The following RARB variants were observed in gnomAD, a reference collection of about 807,000 sequenced individuals.
RARB encodes the protein retinoic acid receptor beta, also known as HBV-activated protein.
RARB carries 17 observed loss-of-function variants against 51.9 expected under a neutral mutation model. The observed-to-expected ratio is 0.33, with a 90% CI of 0.22 to 0.49. The LOEUF is 0.49. Among genes scored for constraint, RARB ranks in the 20% least tolerant of loss-of-function variants. The probability of loss-of-function intolerance (pLI) is 0.99; values close to 1 mark genes in which losing one functional copy is unlikely to be tolerated. For synonymous variants in RARB, 215 were observed against 195.4 expected (o/e 1.10, Z -0.84); for missense variants, 369 against 550.8 (o/e 0.67, Z 3.30).
chr3:25,252,361 A>C (rs1369384163), intron 5 of RARB, among the ~76,000 whole-genome samples: 1 of 152,138 alleles, frequency 6.6e-6, no homozygotes, highest in Non-Finnish European at 1.5e-5. Context: ...AAATTTTAGG[A>C]TCAGCTTGTC....
At chr3:25,289,802 A>T (rs1703743539) in intron 5 of RARB, among the ~76,000 whole-genome samples, 1 of 152,234 alleles carries the variant, frequency 6.6e-6, no homozygotes. Flanking sequence ...CAATGGAATA[A>T]GTCATAGATA....
At chr3:25,111,583 G>GTTTTTTTTTT (rs370598264) in intron 3 of RARB, among the ~76,000 whole-genome samples, 1 of 120,866 alleles carries the variant, frequency 8.3e-6, no homozygotes, top group African/African-American at 3.1e-5. Context: ...TCTAACAGTG[G>GTTTTTTTTTT]TTTTTTTTTT....
intron 5 of RARB, among the ~76,000 whole-genome samples, chr3:25,412,742 G>A (rs773555406): frequency 2.6e-5 from 4 of 152,142 alleles, no homozygotes; most frequent in African/African-American, 4.8e-5. Context: ...ACCATGGGCC[G>A]GGGGCAGTGG....
chr3:25,090,391 A>T (rs575264939), intron 3 of RARB, among the ~76,000 whole-genome samples: 1 of 152,260 alleles, frequency 6.6e-6, no homozygotes, highest in Admixed American at 6.6e-5. Flanking sequence ...GTTTTGCACA[A>T]ATATTTTAAT....
At chr3:25,031,487 G>T (rs1460084621) in intron 2 of RARB, among the ~76,000 whole-genome samples, 1 of 152,204 alleles carries the variant, frequency 6.6e-6, no homozygotes, top group African/African-American at 2.4e-5. Context: ...ACATTTTGCT[G>T]ATGTCTGGAG....
chr3:24,953,499 C>T (rs1233152316), intron 2 of RARB, among the ~76,000 whole-genome samples: 1 of 152,160 alleles, frequency 6.6e-6, no homozygotes, highest in South Asian at 2.1e-4. Flanking sequence ...CACTTTCTTA[C>T]ATTGTGTTCA....
intron 5 of RARB, among the ~76,000 whole-genome samples, chr3:25,318,748 G>T (rs1308949763): frequency 6.6e-6 from 1 of 152,176 alleles, no homozygotes; most frequent in African/African-American, 2.4e-5. Context: ...ACAGTGCTTA[G>T]CAGAATTGTA....
intron 2 of RARB, among the ~76,000 whole-genome samples, chr3:24,929,959 C>G (rs1695405002): frequency 6.6e-6 from 1 of 151,964 alleles, no homozygotes; most frequent in Non-Finnish European, 1.5e-5. Flanking sequence ...TCTCTTGTTT[C>G]TGATTGTAAT....
chr3:25,443,399 C>G (rs1708784405), intron 1 of RARB, among the ~76,000 whole-genome samples: 2 of 143,784 alleles, frequency 1.4e-5, no homozygotes, highest in Admixed American at 1.4e-4. Flanking sequence ...ATTATTGCTC[C>G]CCCTTGTCCC....
At chr3:25,558,949 C>G (rs950492649) in intron 3 of RARB, among the ~76,000 whole-genome samples, 1 of 152,130 alleles carries the variant, frequency 6.6e-6, no homozygotes, top group Non-Finnish European at 1.5e-5. Flanking sequence ...TTCTCCCCAT[C>G]AATCCCTGTC....
At chr3:25,217,847 C>T (rs1701867381) in intron 5 of RARB, among the ~76,000 whole-genome samples, 1 of 152,142 alleles carries the variant, frequency 6.6e-6, no homozygotes, top group African/African-American at 2.4e-5. Flanking sequence ...GCACCAAACC[C>T]TAAAGGCAAT....
intron 5 of RARB, among the ~76,000 whole-genome samples, chr3:25,422,514 G>T (rs974936986): frequency 6.6e-6 from 1 of 152,082 alleles, no homozygotes; most frequent in Non-Finnish European, 1.5e-5. Flanking sequence ...TGGGGTGTTC[G>T]TGGAAATAAT....
chr3:25,207,675 G>A (rs901001951), intron 5 of RARB, among the ~76,000 whole-genome samples: 4 of 152,106 alleles, frequency 2.6e-5, no homozygotes, highest in South Asian at 4.1e-4. Context: ...CCTGTAAAGA[G>A]TTTTGTTTGT....
At chr3:25,197,499 T>A (rs1334537178) in intron 5 of RARB, among the ~76,000 whole-genome samples, 1 of 151,966 alleles carries the variant, frequency 6.6e-6, no homozygotes, top group Admixed American at 6.6e-5. Flanking sequence ...AGGAAGTCAA[T>A]GTATCCTTGT....
intron 2 of RARB, among the ~76,000 whole-genome samples, chr3:24,963,590 T>A (rs1696188585): frequency 6.6e-6 from 1 of 151,772 alleles, no homozygotes; most frequent in African/African-American, 2.4e-5. Flanking sequence ...CTCCAAATCC[T>A]GAAAAACCTA....
chr3:25,594,045 A>G (rs1559483996), intron 6 of RARB, among the ~76,000 whole-genome samples: 1 of 152,162 alleles, frequency 6.6e-6, no homozygotes, highest in African/African-American at 2.4e-5. Context: ...TTTGTTATCT[A>G]GTGGGTAGGC....
At chr3:24,951,800 A>C (rs1695898888) in intron 2 of RARB, among the ~76,000 whole-genome samples, 2 of 152,230 alleles carry the variant, frequency 1.3e-5, no homozygotes, top group Admixed American at 1.3e-4. Flanking sequence ...CTTTTGGACA[A>C]AAATATATTC....
At chr3:25,586,285 G>C (rs1333846497) in intron 5 of RARB, among the ~76,000 whole-genome samples, 1 of 151,986 alleles carries the variant, frequency 6.6e-6, no homozygotes, top group African/African-American at 2.4e-5. Flanking sequence ...CCCTCACACT[G>C]CAGGTCTGTC....
chr3:25,171,645 A>AAAAAAAAAAAC (rs1700648711), intron 4 of RARB, among the ~76,000 whole-genome samples: 1 of 145,170 alleles, frequency 6.9e-6, no homozygotes, highest in Non-Finnish European at 1.5e-5. Flanking sequence ...CTGGTTGGTA[A>AAAAAAAAAAAC]AAAAAAAAAA....
Sources: allele counts gnomAD v4.1 joint callset (sites outside exome capture counted in the v4.1 genomes callset), GRCh38; gene constraint gnomAD v4.1.1; transcripts MANE v1.5; gene names NCBI Gene and HGNC (gene_info 2026-07-23, HGNC 2026-07-21).